Variants in EIF5A observed in about 807,000 individuals in gnomAD.
EIF5A encodes the protein eukaryotic translation initiation factor 5A, also known as eukaryotic translation initiation factor 5A-1.
In EIF5A, 1 loss-of-function variant was observed where a neutral mutation model predicts 16.6. The observed-to-expected ratio is 0.06, with a 90% CI of 0.02 to 0.28. The LOEUF is 0.28. Ranked by LOEUF, EIF5A falls within the 10% of genes least tolerant of loss-of-function variation. The probability of loss-of-function intolerance (pLI) is 1.00; values close to 1 mark genes in which losing one functional copy is unlikely to be tolerated. For missense variants in EIF5A, 29 were observed against 196.1 expected (o/e 0.15, Z 5.09); for synonymous variants, 80 against 73.6 (o/e 1.09, Z -0.44).
In EIF5A at chr17:7,309,930, G is replaced by A. The variant is rs137980611; in HGVS notation, c.165+130G>A. ...TACTGTCTGATTGTTTTTGTTTAGC[G>A]CTCAGCCTTCATACCCATTCAGACA... is the stretch of plus-strand genomic sequence containing the variant. On this transcript the variant is annotated intron_variant, in intron 2 of 5. Transcript: ENST00000336458. The A allele has an allele frequency of 1.7e-4, 264 of 1,579,830 alleles. No individual in the cohort carries two copies. The African/African-American group carries it at 2.0e-3, about 12-fold the overall frequency.
At chr17:7,308,266 G>T in intron 1 of EIF5A, 1 of 1,055,492 alleles carries the variant, frequency 9.5e-7, no homozygotes, top group Non-Finnish European at 1.2e-6. Context: ...GCTGCCCTCG[G>T]GGTCGCAGGC....
intron 2 of EIF5A, chr17:7,310,050 C>T (rs2072768685): frequency 2.0e-6 from 3 of 1,478,818 alleles, no homozygotes; most frequent in South Asian, 2.4e-5. Flanking sequence ...CAGCTTTGTG[C>T]CAATCTCTTC....
intron 1 of EIF5A, 161 bp downstream of exon 1, chr17:7,307,913 C>T (rs2072674166): frequency 4.1e-6 from 4 of 984,122 alleles, no homozygotes; most frequent in East Asian, 1.2e-4. Context: ...GGGCGCGCGC[C>T]CCGGTTGGCG....
chr17:7,309,037 C>T (rs1352746546), intron 1 of EIF5A, among the ~76,000 whole-genome samples: 1 of 152,132 alleles, frequency 6.6e-6, no homozygotes, highest in African/African-American at 2.4e-5. Flanking sequence ...TGCTTTCTCC[C>T]CCTTGGCTTG....
At chr17:7,310,042 G>T in intron 2 of EIF5A, 1 of 1,490,934 alleles carries the variant, frequency 6.7e-7, no homozygotes, top group East Asian at 2.7e-5. Flanking sequence ...CGTTTCTCCA[G>T]CTTTGTGCCA....
rs2072666151 is a variant in EIF5A at position 7,307,693 on chromosome 17, C to G, written c.-81C>G. On this transcript the variant is annotated 5_prime_UTR_variant, in exon 1 of 6. Coordinates refer to ENST00000336458, the MANE Select transcript of EIF5A (RefSeq NM_001970.5). Reference sequence around the variant, plus strand: ...GCGGCGGCGGCGGCGGCAGCGGGCTCGGAGGCAGCGGTTGGGCTCGCGGCG... The same window carrying G: ...GCGGCGGCGGCGGCGGCAGCGGGCTGGGAGGCAGCGGTTGGGCTCGCGGCG... 2 of 1,047,690 alleles carry G rather than the reference C, an allele frequency of 1.9e-6. No homozygotes were observed. The highest frequency in any genetic ancestry group is 1.1e-6 in the Non-Finnish European group (1 of 870,978). 64.9% of individuals were successfully genotyped at this position (1,047,690 alleles called of 1,614,324 possible). A position where few individuals can be genotyped will look rare whatever the true frequency, so the allele number is the denominator to read the frequency against.
At chr17:7,307,783 AC>A in intron 1 of EIF5A, 31 bp downstream of exon 1, 1 of 985,124 alleles carries the variant, frequency 1.0e-6, no homozygotes, top group Non-Finnish European at 1.2e-6. Context: ...TGTGCGCGGT[AC>A]CTTGGCTTGG....
chr17:7,309,006 G>C (rs1436556759), intron 1 of EIF5A, among the ~76,000 whole-genome samples: 1 of 152,124 alleles, frequency 6.6e-6, no homozygotes, highest in Non-Finnish European at 1.5e-5. Context: ...TTTGGCAGGG[G>C]GATCATTTCG....
intron 2 of EIF5A, chr17:7,310,375 C>G: frequency 8.3e-7 from 1 of 1,201,702 alleles, no homozygotes; most frequent in Non-Finnish European, 1.1e-6. Context: ...AACATTCTTG[C>G]TAGCACTTCC....
At chr17:7,310,876 G>A (rs1323445141) in intron 2 of EIF5A, 142 bp from the exon 3 acceptor site, 4 of 1,426,360 alleles carry the variant, frequency 2.8e-6, no homozygotes, top group South Asian at 1.6e-5. Context: ...TGTTTCTTGA[G>A]TTGACTGGTT....
rs1415344130 is a variant in EIF5A at position 7,311,971 on chromosome 17, G to C, written c.*161G>C. On this transcript the variant is annotated 3_prime_UTR_variant, in exon 6 of 6. Coordinates refer to ENST00000336458, the MANE Select transcript of EIF5A (RefSeq NM_001970.5). ...TTTTCCCCACCCCCTCAATCTGTCG[G>C]GGAGCCCCTGCCCTTCACCTAGCTC... 1.2e-5 allele frequency: 5 copies of C among 420,426 alleles called. No individual in the cohort carries two copies. Among genetic ancestry groups the C allele is most frequent in the African/African-American group, 1.0e-4 (5 of 49,468 alleles). The allele number at this position is 420,426 out of a possible 1,614,324, so 26.0% of individuals were successfully genotyped here. A position where few individuals can be genotyped will look rare whatever the true frequency, so the allele number is the denominator to read the frequency against.
In EIF5A at chr17:7,307,666, A is replaced by G. The variant is rs902712373; in HGVS notation, c.-108A>G. ...TGTGCAGCAGCGGCGGCGGCGGTAG[A>G]GGCGGCGGCGGCGGCGGCAGCGGGC... On this transcript the variant is annotated 5_prime_UTR_variant, in exon 1 of 6. Coordinates refer to ENST00000336458, the MANE Select transcript of EIF5A (RefSeq NM_001970.5). 1.9e-6 allele frequency: 2 copies of G among 1,049,280 alleles called. No individual in the cohort carries two copies. Among genetic ancestry groups the G allele is most frequent in the Admixed American group, 5.9e-5 (1 of 17,060 alleles). 65.0% of individuals were successfully genotyped at this position (1,049,280 alleles called of 1,614,324 possible).
rs1457949144 is a variant in EIF5A, at chr17:7,312,411, A to G, written c.*601A>G. Reference sequence around the variant, plus strand: ...TCCCTGCGGGCTCTCTCCCCGACACATTTGTTAAAATCAAACCTGAATAAA... The same window carrying G: ...TCCCTGCGGGCTCTCTCCCCGACACGTTTGTTAAAATCAAACCTGAATAAA... On this transcript the variant is annotated 3_prime_UTR_variant, in exon 6 of 6. Transcript: ENST00000336458. 7.7e-6 allele frequency: 2 copies of G among 258,520 alleles called. No homozygotes were observed. The highest frequency in any genetic ancestry group is 2.3e-5 in the African/African-American group (1 of 43,810). 16.0% of individuals were successfully genotyped at this position (258,520 alleles called of 1,614,324 possible).
chr17:7,307,215 C>T (rs1273643658), upstream of EIF5A: 1 of 1,356,978 alleles, frequency 7.4e-7, no homozygotes, highest in South Asian at 1.5e-5. Context: ...CTTTTCAACG[C>T]CTGGCGTACT....
At chr17:7,311,721 A>G in intron 5 of EIF5A, 70 bp downstream of exon 5, 1 of 1,590,376 alleles carries the variant, frequency 6.3e-7, no homozygotes, top group Non-Finnish European at 8.6e-7. Context: ...TGTAGTCTTA[A>G]TTGTTTCAGG....
chr17:7,310,748 A>C, intron 2 of EIF5A: 1 of 985,380 alleles, frequency 1.0e-6, no homozygotes, highest in Non-Finnish European at 1.2e-6. Context: ...TTAGCATCTT[A>C]TCTTTTATCA....
rs755252353 is a variant in EIF5A at position 7,308,483 on chromosome 17, C to T, written c.-22+731C>T. 4.4e-6 allele frequency: 6 copies of T among 1,349,392 alleles called. No individual in the cohort carries two copies. The East Asian group carries it at 1.4e-4, about 31-fold the overall frequency. 83.6% of individuals were successfully genotyped at this position (1,349,392 alleles called of 1,614,324 possible). On this transcript the variant is annotated intron_variant, in intron 1 of 5. Coordinates refer to ENST00000336458, the MANE Select transcript of EIF5A (RefSeq NM_001970.5). ...CTCGGGTCCTAATCACCCCGGAGGGCCTGCTGCAGGCATATGTTAGCGCTT... is the reference window on the plus strand; with the variant it reads ...CTCGGGTCCTAATCACCCCGGAGGGTCTGCTGCAGGCATATGTTAGCGCTT...
In EIF5A at chr17:7,309,623, G is replaced by A. The variant is rs373971174; in HGVS notation, c.-13G>A. The A allele has an allele frequency of 4.5e-5, 73 of 1,613,994 alleles. No homozygotes were observed. The highest frequency in any genetic ancestry group is 5.3e-5 in the Non-Finnish European group (62 of 1,180,040). ...TCTCTTCTTGGCTCTAGTTGGAATC[G>A]AAGCCTCTTAAAATGGCAGATGACT... On this transcript the variant is annotated 5_prime_UTR_variant, in exon 2 of 6. Transcript: ENST00000336458.
At chr17:7,309,526 TG>T (rs2072750898) in intron 1 of EIF5A, 88 bp from the exon 2 acceptor site, 1 of 1,541,928 alleles carries the variant, frequency 6.5e-7, no homozygotes, top group Non-Finnish European at 8.8e-7. Flanking sequence ...AATAAAGAGT[TG>T]GGAAAATGTT....
Sources: gnomAD v4.1 joint callset for allele counts (sites outside exome capture counted in the v4.1 genomes callset) on GRCh38, gnomAD v4.1.1 for gene constraint, MANE v1.5 for transcripts, NCBI Gene and HGNC (gene_info 2026-07-23, HGNC 2026-07-21) for gene names.